Variants in CLASP1 observed in about 807,000 individuals in gnomAD.
The protein encoded by CLASP1 is CLIP-associating protein 1.
Under a neutral mutation model 192.3 loss-of-function variants are expected in CLASP1, and 38 were observed. The observed-to-expected ratio is 0.20, with a 90% CI of 0.15 to 0.26. The LOEUF (loss-of-function observed/expected upper bound fraction) is 0.26. CLASP1 is among the 10% of genes least tolerant of loss of function. The pLI, the probability that CLASP1 is intolerant of heterozygous loss-of-function variation, is 1.00. For synonymous variants in CLASP1, 691 were observed against 712.8 expected, an observed-to-expected ratio of 0.97 and a Z score of 0.49; for missense variants, 1,433 against 1,932.5, an observed-to-expected ratio of 0.74 and a Z score of 4.85.
At chr2:121,552,237 C>G (rs1306288249) in intron 2 of CLASP1, among the ~76,000 whole-genome samples, 1 of 151,988 alleles carries the variant, frequency 6.6e-6, no homozygotes, top group African/African-American at 2.4e-5. Context: ...CTATAAAAAC[C>G]CTGGAAGACA....
At chr2:121,621,821 C>A (rs1389497912) in intron 1 of CLASP1, among the ~76,000 whole-genome samples, 4 of 152,032 alleles carry the variant, frequency 2.6e-5, no homozygotes, top group African/African-American at 9.7e-5. Flanking sequence ...TCAATTTCTG[C>A]AAACTAGGCA....
intron 14 of CLASP1, among the ~76,000 whole-genome samples, chr2:121,455,205 CT>C (rs1351032424): frequency 1.3e-5 from 2 of 152,130 alleles, no homozygotes; most frequent in East Asian, 1.9e-4. Context: ...GTATAAATTT[CT>C]TTTTTCGTGA....
At chr2:121,503,095 C>T in intron 8 of CLASP1, 72 bp downstream of exon 8, 1 of 944,998 alleles carries the variant, frequency 1.1e-6, no homozygotes. Flanking sequence ...TAATTCAGCT[C>T]TTCACATATA....
chr2:121,497,968 G>A (rs554640383), intron 8 of CLASP1, among the ~76,000 whole-genome samples: 66 of 151,956 alleles, frequency 4.3e-4, no homozygotes, highest in African/African-American at 1.1e-3. Flanking sequence ...CTCGTGATCC[G>A]CCCGCCTTGG....
exon 40 of CLASP1, chr2:121,340,872 T>C: frequency 1.9e-6 from 3 of 1,611,544 alleles, no homozygotes; most frequent in Non-Finnish European, 2.5e-6. Context: ...TAGCTGTGCG[T>C]GGAGACATCG....
chr2:121,621,363 G>A (rs1272954651), intron 1 of CLASP1, among the ~76,000 whole-genome samples: 2 of 151,948 alleles, frequency 1.3e-5, no homozygotes, highest in African/African-American at 4.8e-5. Context: ...TTGAATTCCT[G>A]GGCTCAAGCG....
intron 23 of CLASP1, among the ~76,000 whole-genome samples, chr2:121,413,022 C>G (rs1013333079): frequency 6.6e-6 from 1 of 152,130 alleles, no homozygotes; most frequent in Non-Finnish European, 1.5e-5. Context: ...CTCTGGGAGG[C>G]CAAGGTGGGT....
intron 6 of CLASP1, among the ~76,000 whole-genome samples, chr2:121,523,892 GAA>G (rs1446242567): frequency 6.6e-6 from 1 of 152,202 alleles, no homozygotes. Flanking sequence ...ATATGTGGAA[GAA>G]AAAGAGGAAG....
intron 37 of CLASP1, among the ~76,000 whole-genome samples, chr2:121,362,920 C>T (rs1359397780): frequency 2.6e-5 from 4 of 152,226 alleles, no homozygotes; most frequent in Non-Finnish European, 5.9e-5. Flanking sequence ...TGGAACACAT[C>T]CCAGGGGCAG....
intron 4 of CLASP1, among the ~76,000 whole-genome samples, chr2:121,528,315 C>T (rs6742575): frequency 0.25 from 37,934 of 152,066 alleles, 7,514 homozygotes; most frequent in African/African-American, 0.55. Flanking sequence ...CCCAATTCAC[C>T]GGAAGACAGG....
At chr2:121,495,016 C>CGT (rs1344627242) in intron 8 of CLASP1, among the ~76,000 whole-genome samples, 1 of 150,026 alleles carries the variant, frequency 6.7e-6, no homozygotes, top group African/African-American at 2.5e-5. Flanking sequence ...AGCAAGACTC[C>CGT]ATCTAAAAAA....
At position 121,456,832 on chromosome 2, in the gene CLASP1, A is replaced by T. The variant is rs577027303; in HGVS notation, c.1385+855T>A. Reference sequence around the variant, plus strand: ...TTTCACAGGGCTAGCATCAAGACACACAGCTAAGGGAATGGGGCCAAGAGG... The same window carrying T: ...TTTCACAGGGCTAGCATCAAGACACTCAGCTAAGGGAATGGGGCCAAGAGG... On this transcript the variant is annotated intron_variant, in intron 14 of 39. Transcript: ENST00000263710. 2.0e-4 allele frequency among the ~76,000 whole-genome samples: 30 copies of T among 152,222 alleles called. No homozygotes were observed. The Middle Eastern group carries it at 0.01, about 52-fold the overall frequency.
intron 26 of CLASP1, among the ~76,000 whole-genome samples, chr2:121,403,970 T>C (rs1042707195): frequency 6.6e-6 from 1 of 152,230 alleles, no homozygotes; most frequent in African/African-American, 2.4e-5. Flanking sequence ...GGACATATTC[T>C]ACACGGGATA....
At chr2:121,625,212 A>T (rs1396051766) in intron 1 of CLASP1, among the ~76,000 whole-genome samples, 1 of 152,194 alleles carries the variant, frequency 6.6e-6, no homozygotes, top group Non-Finnish European at 1.5e-5. Flanking sequence ...TTTAAGAAAA[A>T]AAATTGTCAA....
At chr2:121,505,728 C>A (rs1325667762) in intron 7 of CLASP1, among the ~76,000 whole-genome samples, 1 of 152,100 alleles carries the variant, frequency 6.6e-6, no homozygotes, top group African/African-American at 2.4e-5. Context: ...AAATAAATTT[C>A]TTTACTGGTT....
At chr2:121,627,846 A>C (rs2068672689) in intron 1 of CLASP1, among the ~76,000 whole-genome samples, 1 of 152,248 alleles carries the variant, frequency 6.6e-6, no homozygotes, top group Admixed American at 6.5e-5. Flanking sequence ...AATGCAACTT[A>C]AGTGACTTGT....
At chr2:121,639,549 C>T (rs1049823965) in intron 1 of CLASP1, among the ~76,000 whole-genome samples, 2 of 151,852 alleles carry the variant, frequency 1.3e-5, no homozygotes, top group African/African-American at 2.4e-5. Context: ...GTAATTAATG[C>T]CACTTAATTG....
exon 25 of CLASP1, chr2:121,407,695 TCTC>T (rs749729483): frequency 1.2e-6 from 2 of 1,613,784 alleles, no homozygotes; most frequent in South Asian, 2.2e-5. Context: ...ACGGCTCATA[TCTC>T]CTCCTCACAG....
In CLASP1 at chr2:121,478,752, CA is replaced by C. The variant is rs1559366573; in HGVS notation, c.713-8793del. On this transcript the variant is annotated intron_variant, in intron 8 of 39. Coordinates refer to ENST00000263710, the Ensembl canonical transcript of CLASP1. ...CACCACACACACACCCCACACACAC[CA>C]CACACACACCACACACCCCACACAC... Among the ~76,000 whole-genome samples, 206 of 48,862 alleles carry C rather than the reference CA, an allele frequency of 4.2e-3. 4 individuals are homozygous for C. Among genetic ancestry groups the C allele is most frequent in the African/African-American group, 0.02 (203 of 10,042 alleles). 32.1% of individuals were successfully genotyped at this position (48,862 alleles called of 152,430 possible). A position where few individuals can be genotyped will look rare whatever the true frequency, so the allele number is the denominator to read the frequency against.
Sources: gnomAD v4.1 joint callset for allele counts (sites outside exome capture counted in the v4.1 genomes callset) on GRCh38, gnomAD v4.1.1 for gene constraint, MANE v1.5 for transcripts, NCBI Gene and HGNC (gene_info 2026-07-23, HGNC 2026-07-21) for gene names.